Variants in TAFA2 observed in about 807,000 individuals in gnomAD.
TAFA2 encodes the protein TAFA chemokine like family member 2.
TAFA2 carries 7 observed loss-of-function variants against 18.8 expected under a neutral mutation model. The ratio of observed to expected loss-of-function variants is 0.37; its 90% CI spans 0.21 to 0.70. TAFA2 has a LOEUF of 0.70. Ranked by LOEUF, TAFA2 falls within the 30% of genes least tolerant of loss-of-function variation. TAFA2 has a pLI of 0.53. For synonymous variants in TAFA2, 60 were observed against 54.2 expected (o/e 1.11, Z -0.47); for missense variants, 122 against 158.1 (o/e 0.77, Z 1.23).
chr12:61,816,094 G>T (rs763968639), intron 2 of TAFA2, among the ~76,000 whole-genome samples: 1 of 151,268 alleles, frequency 6.6e-6, no homozygotes, highest in Non-Finnish European at 1.5e-5. Flanking sequence ...TGTCATGGGG[G>T]TTTGTTGTAC....
intron 1 of TAFA2, chr12:62,235,328 G>T: frequency 1.5e-6 from 1 of 665,238 alleles, no homozygotes; most frequent in Non-Finnish European, 2.8e-6. Context: ...TCTCTGTCCT[G>T]TGAGGAAAGT....
intron 2 of TAFA2, among the ~76,000 whole-genome samples, chr12:61,831,817 A>G (rs973302628): frequency 7.9e-5 from 12 of 151,994 alleles, no homozygotes; most frequent in Non-Finnish European, 1.3e-4. Context: ...CATCGTTTAC[A>G]TTAGGTATAT....
At chr12:61,783,197 A>G (rs546480274) in intron 2 of TAFA2, among the ~76,000 whole-genome samples, 2 of 151,836 alleles carry the variant, frequency 1.3e-5, no homozygotes, top group African/African-American at 2.4e-5. Flanking sequence ...GGAGCCCACA[A>G]AAGATCAATC....
intron 2 of TAFA2, among the ~76,000 whole-genome samples, chr12:61,785,059 CCTAT>C (rs1322168466): frequency 6.6e-6 from 1 of 151,554 alleles, no homozygotes; most frequent in East Asian, 2.0e-4. Flanking sequence ...AGAATTTATT[CCTAT>C]CTATCTATAA....
intron 1 of TAFA2, among the ~76,000 whole-genome samples, chr12:62,042,169 G>T (rs983433): frequency 0.13 from 19,392 of 151,746 alleles, 1,559 homozygotes; most frequent in African/African-American, 0.22. Context: ...CCTTCATGGG[G>T]AGTCGTACCC....
intron 1 of TAFA2, among the ~76,000 whole-genome samples, chr12:62,199,040 T>C (rs1218273481): frequency 1.3e-5 from 2 of 150,434 alleles, no homozygotes; most frequent in Admixed American, 6.7e-5. Context: ...TTTCTGTGGA[T>C]TGGCAATTTG....
At chr12:62,174,358 T>C (rs1443997736) in intron 1 of TAFA2, among the ~76,000 whole-genome samples, 1 of 151,562 alleles carries the variant, frequency 6.6e-6, no homozygotes, top group Non-Finnish European at 1.5e-5. Context: ...GAGAGACATA[T>C]CGAGAACAGG....
intron 1 of TAFA2, among the ~76,000 whole-genome samples, chr12:62,153,526 C>G (rs2062344578): frequency 6.6e-6 from 1 of 151,872 alleles, no homozygotes; most frequent in Non-Finnish European, 1.5e-5. Context: ...AAAAATTAGC[C>G]AGGTGTGATA....
At chr12:62,105,692 G>A (rs1488216715) in intron 1 of TAFA2, among the ~76,000 whole-genome samples, 5 of 152,128 alleles carry the variant, frequency 3.3e-5, no homozygotes, top group Admixed American at 6.5e-5. Context: ...ACTATTTAAT[G>A]AACTTTCTAC....
chr12:62,243,610 T>C (rs964891435), intron 1 of TAFA2, among the ~76,000 whole-genome samples: 1 of 152,198 alleles, frequency 6.6e-6, no homozygotes, highest in Non-Finnish European at 1.5e-5. Context: ...TCAGTAGCAA[T>C]ATTCTCTAAT....
At chr12:61,738,135 G>A (rs141082918) in intron 4 of TAFA2, among the ~76,000 whole-genome samples, 46 of 152,038 alleles carry the variant, frequency 3.0e-4, no homozygotes, top group South Asian at 2.5e-3. Flanking sequence ...TTGTGATTTA[G>A]TAAGAACATT....
At chr12:62,233,080 T>C (rs2062820061) in intron 1 of TAFA2, among the ~76,000 whole-genome samples, 1 of 123,150 alleles carries the variant, frequency 8.1e-6, no homozygotes, top group Admixed American at 8.3e-5. Flanking sequence ...TTTTTTTTTT[T>C]TTTTTTTTTT....
intron 1 of TAFA2, among the ~76,000 whole-genome samples, chr12:62,247,247 G>A (rs566920639): frequency 3.4e-4 from 51 of 151,964 alleles, no homozygotes; most frequent in Non-Finnish European, 6.5e-4. Flanking sequence ...TCTATCTTAT[G>A]TAAGTTGGAA....
intron 4 of TAFA2, among the ~76,000 whole-genome samples, chr12:61,724,749 C>CTG (rs1474930139): frequency 2.1e-5 from 2 of 96,284 alleles, no homozygotes; most frequent in Non-Finnish European, 4.3e-5. Context: ...CATGGTATGT[C>CTG]TATGTGTGTG....
chr12:62,127,053 C>A (rs965622193), intron 1 of TAFA2, among the ~76,000 whole-genome samples: 8 of 152,020 alleles, frequency 5.3e-5, no homozygotes, highest in Non-Finnish European at 7.4e-5. Flanking sequence ...CCAAACACTT[C>A]TTAAGTAAGT....
At chr12:61,878,738 A>G (rs7303940) in intron 1 of TAFA2, among the ~76,000 whole-genome samples, 109,613 of 152,114 alleles carry the variant, frequency 0.72, 39,921 homozygotes, top group African/African-American at 0.81. Context: ...AATACTTTCA[A>G]TTGTTGTTTA....
At chr12:61,987,662 T>A (rs1430633752) in intron 1 of TAFA2, among the ~76,000 whole-genome samples, 1 of 152,136 alleles carries the variant, frequency 6.6e-6, no homozygotes, top group Non-Finnish European at 1.5e-5. Context: ...AAGCCAAAAA[T>A]AACCTAATCT....
chr12:61,793,798 C>A (rs1021628425), intron 2 of TAFA2, among the ~76,000 whole-genome samples: 2 of 151,730 alleles, frequency 1.3e-5, no homozygotes, highest in Admixed American at 1.3e-4. Flanking sequence ...AGAAAAGAAA[C>A]CATGGGAAAA....
In TAFA2 at chr12:61,968,206, C is replaced by G. The variant is rs548709327; in HGVS notation, c.-1-100780G>C. On this transcript the variant is annotated intron_variant, in intron 1 of 4. Transcript: ENST00000416284. ...CTTATTTTCTTTTTCTATATACAACCTGCTTATTCCTATTTCTGGGCCTTT... is the reference window on the plus strand; with the variant it reads ...CTTATTTTCTTTTTCTATATACAACGTGCTTATTCCTATTTCTGGGCCTTT... Among the ~76,000 whole-genome samples, 24 of 151,796 alleles carry G rather than the reference C, an allele frequency of 1.6e-4. 1 individual carries two copies. The South Asian group carries it at 5.0e-3, about 31-fold the overall frequency.
Sources: allele counts gnomAD v4.1 joint callset (sites outside exome capture counted in the v4.1 genomes callset), GRCh38; gene constraint gnomAD v4.1.1; transcripts MANE v1.5; gene names NCBI Gene and HGNC (gene_info 2026-07-23, HGNC 2026-07-21).